The following DCC variants were observed in gnomAD, a reference collection of about 807,000 sequenced individuals.
DCC encodes the protein netrin receptor DCC.
In DCC, 58 loss-of-function variants were observed where a neutral mutation model predicts 172.5. The observed-to-expected ratio is 0.34, with a 90% CI of 0.27 to 0.42. The LOEUF is 0.42. DCC is among the 10% of genes least tolerant of loss of function. The probability of loss-of-function intolerance (pLI) is 1.00; values close to 1 mark genes in which losing one functional copy is unlikely to be tolerated. For missense variants in DCC, 1,740 were observed against 1,791.0 expected (o/e 0.97, Z 0.51); for synonymous variants, 709 against 644.5 (o/e 1.10, Z -1.52).
In DCC at chr18:53,530,463, A is replaced by G. The variant is rs567760376; in HGVS notation, c.4255-101A>G. On this transcript the variant is annotated intron_variant, in intron 28 of 28. Coordinates refer to ENST00000442544, the MANE Select transcript of DCC (RefSeq NM_005215.4). ...CCCTGGCTGTGGTCTCCTAGGTCAGACTTGGGAATACGTAGCACCCCAACT... is the reference window on the plus strand; with the variant it reads ...CCCTGGCTGTGGTCTCCTAGGTCAGGCTTGGGAATACGTAGCACCCCAACT... 4 of 779,548 alleles carry G rather than the reference A, an allele frequency of 5.1e-6. No homozygotes were observed. The South Asian group carries it at 5.4e-5, about 11-fold the overall frequency. 48.3% of individuals were successfully genotyped at this position (779,548 alleles called of 1,614,324 possible).
intron 5 of DCC, among the ~76,000 whole-genome samples, chr18:53,009,682 C>T (rs189345619): frequency 1.1e-4 from 16 of 151,948 alleles, no homozygotes; most frequent in Non-Finnish European, 2.2e-4. Flanking sequence ...ACAAGACAGA[C>T]AACATTTTTG....
chr18:52,743,386 C>A (rs2036854243), intron 1 of DCC, among the ~76,000 whole-genome samples: 1 of 152,162 alleles, frequency 6.6e-6, no homozygotes, highest in Non-Finnish European at 1.5e-5. Flanking sequence ...CAAAGTTTCT[C>A]TTTTTAGTGT....
intron 2 of DCC, among the ~76,000 whole-genome samples, chr18:52,842,619 C>T (rs369500478): frequency 2.5e-4 from 38 of 152,246 alleles, no homozygotes; most frequent in African/African-American, 8.4e-4. Context: ...CATCACATGG[C>T]CTAGTTGAGC....
chr18:52,476,319 C>A (rs1989092880), intron 1 of DCC, among the ~76,000 whole-genome samples: 1 of 152,140 alleles, frequency 6.6e-6, no homozygotes, highest in Non-Finnish European at 1.5e-5. Flanking sequence ...GTCGGCATAA[C>A]AAACCTTAGA....
In DCC at chr18:52,857,531, T is replaced by C. The variant is rs184287067; in HGVS notation, c.413-48513T>C. Reference sequence around the variant, plus strand: ...AGAGATTAGAAAACTATAAACTGAATGTCATTTGAATTTGGCTGTCTAGAC... The same window carrying C: ...AGAGATTAGAAAACTATAAACTGAACGTCATTTGAATTTGGCTGTCTAGAC... On this transcript the variant is annotated intron_variant, in intron 2 of 28. Transcript: ENST00000442544. Among the ~76,000 whole-genome samples, 333 of 152,276 alleles carry C rather than the reference T, an allele frequency of 2.2e-3. 2 individuals carry two copies. Among genetic ancestry groups the C allele is most frequent in the African/African-American group, 7.6e-3 (317 of 41,564 alleles).
intron 1 of DCC, among the ~76,000 whole-genome samples, chr18:52,501,998 G>T (rs2031041392): frequency 6.6e-6 from 1 of 152,182 alleles, no homozygotes; most frequent in African/African-American, 2.4e-5. Flanking sequence ...ACTTGTCTCA[G>T]ATCCACTGAT....
intron 1 of DCC, among the ~76,000 whole-genome samples, chr18:52,593,856 A>C (rs187779862): frequency 6.6e-6 from 1 of 152,352 alleles, no homozygotes; most frequent in South Asian, 2.1e-4. Context: ...TCAGGTTGAA[A>C]CCACTTATCT....
intron 1 of DCC, among the ~76,000 whole-genome samples, chr18:52,664,521 A>C (rs1452406533): frequency 1.6e-5 from 2 of 127,474 alleles, no homozygotes; most frequent in African/African-American, 6.2e-5. Context: ...CCCAGGCTAG[A>C]GTGCAGTGGC....
At chr18:53,096,177 T>TAAA (rs2043085431) in intron 7 of DCC, among the ~76,000 whole-genome samples, 1 of 151,772 alleles carries the variant, frequency 6.6e-6, no homozygotes, top group African/African-American at 2.4e-5. Context: ...AATAAATAAA[T>TAAA]TTTAAAAAAT....
chr18:53,299,575 TCTA>T (rs1420706140), intron 12 of DCC, among the ~76,000 whole-genome samples: 1 of 152,234 alleles, frequency 6.6e-6, no homozygotes, highest in African/African-American at 2.4e-5. Context: ...TCTTGGACAT[TCTA>T]CTATAAACCT....
At chr18:52,658,823 T>C (rs1009403042) in intron 1 of DCC, among the ~76,000 whole-genome samples, 5 of 152,192 alleles carry the variant, frequency 3.3e-5, no homozygotes, top group Admixed American at 2.0e-4. Context: ...TCAGATTATA[T>C]TTCTGTTGAT....
chr18:52,800,183 A>G (rs1183737474), intron 2 of DCC, among the ~76,000 whole-genome samples: 1 of 152,228 alleles, frequency 6.6e-6, no homozygotes, highest in Non-Finnish European at 1.5e-5. Flanking sequence ...GGTCCTACTC[A>G]ATAAGTACCT....
intron 1 of DCC, among the ~76,000 whole-genome samples, chr18:52,687,626 C>G (rs1426763840): frequency 6.6e-6 from 1 of 152,060 alleles, no homozygotes; most frequent in Non-Finnish European, 1.5e-5. Context: ...TATATACATA[C>G]AATTTAAAAA....
intron 1 of DCC, among the ~76,000 whole-genome samples, chr18:52,541,132 C>T (rs773440971): frequency 2.0e-5 from 3 of 152,136 alleles, no homozygotes; most frequent in Non-Finnish European, 2.9e-5. Flanking sequence ...AGTCATTTCA[C>T]GTGACATACC....
At chr18:53,091,644 C>A (rs1328397644) in intron 7 of DCC, among the ~76,000 whole-genome samples, 1 of 151,464 alleles carries the variant, frequency 6.6e-6, no homozygotes, top group Non-Finnish European at 1.5e-5. Context: ...TCCCTGGGAT[C>A]TCTTTTATAA....
intron 7 of DCC, among the ~76,000 whole-genome samples, chr18:53,096,737 A>G (rs911402512): frequency 6.6e-6 from 1 of 152,176 alleles, no homozygotes; most frequent in South Asian, 2.1e-4. Context: ...TAGAAGGAAA[A>G]GAAGCATTAA....
chr18:52,342,375 G>A (rs1220353762), intron 1 of DCC, among the ~76,000 whole-genome samples: 3 of 145,546 alleles, frequency 2.1e-5, no homozygotes, highest in Non-Finnish European at 4.5e-5. Context: ...CCCTCCGTCT[G>A]TCCCTCCCGG....
chr18:52,872,513 G>A (rs189593110), intron 2 of DCC, among the ~76,000 whole-genome samples: 6 of 152,220 alleles, frequency 3.9e-5, no homozygotes, highest in East Asian at 3.9e-4. Context: ...CTGAACAGCC[G>A]TCTCAAAATA....
chr18:53,292,974 C>T (rs1598991113), intron 12 of DCC, among the ~76,000 whole-genome samples: 1 of 152,270 alleles, frequency 6.6e-6, no homozygotes, highest in East Asian at 1.9e-4. Context: ...GTTATCCATA[C>T]TACTCCTACT....
Sources: allele counts gnomAD v4.1 joint callset (sites outside exome capture counted in the v4.1 genomes callset), GRCh38; gene constraint gnomAD v4.1.1; transcripts MANE v1.5; gene names NCBI Gene and HGNC (gene_info 2026-07-23, HGNC 2026-07-21).